The following TMEM59 variants were observed in gnomAD, a reference collection of about 807,000 sequenced individuals.
TMEM59 encodes the protein dendritic cell factor 1.
TMEM59 carries 44 observed loss-of-function variants against 42.2 expected under a neutral mutation model. The ratio of observed to expected loss-of-function variants is 1.04; its 90% CI spans 0.82 to 1.34. The LOEUF (loss-of-function observed/expected upper bound fraction) is 1.34, where lower values mean the gene tolerates loss of function less well. Among genes scored for constraint, TMEM59 ranks in the 40% most tolerant of loss-of-function variants. The pLI is 0.00. For synonymous variants in TMEM59, 148 were observed against 145.8 expected (o/e 1.02, Z -0.11); for missense variants, 359 against 382.8 (o/e 0.94, Z 0.52).
At chr1:54,036,585 T>C (rs1363981034) in intron 7 of TMEM59, 25 bp downstream of exon 7, 3 of 1,463,360 alleles carry the variant, frequency 2.1e-6, no homozygotes, top group Non-Finnish European at 2.7e-6. Flanking sequence ...GGGCTCAGTC[T>C]TCAAATGGTA....
At chr1:54,047,039 G>A (rs1657362356) in intron 2 of TMEM59, among the ~76,000 whole-genome samples, 1 of 152,148 alleles carries the variant, frequency 6.6e-6, no homozygotes, top group African/African-American at 2.4e-5. Flanking sequence ...AAACAAAGGT[G>A]TCCTATTCAT....
chr1:54,045,826 G>A lies in TMEM59; in HGVS notation c.296-40C>T, dbSNP rs137869393. On this transcript the variant is annotated intron_variant, in intron 2 of 7. Transcript: ENST00000234831. ...TAGTCAAATTACAAGAAACAAAAGA[G>A]AAAGGGAAAGAGGAAAGAAAAGGAT... The A allele has an allele frequency of 2.4e-4, 371 of 1,527,806 alleles. 2 individuals carry two copies. The East Asian group carries it at 7.6e-3, about 31-fold the overall frequency. The allele number at this position is 1,527,806 out of a possible 1,614,324, so 94.6% of individuals were successfully genotyped here. A position where few individuals can be genotyped will look rare whatever the true frequency, so the allele number is the denominator to read the frequency against.
At chr1:54,036,312 C>G (rs1436919933) in intron 7 of TMEM59, among the ~76,000 whole-genome samples, 1 of 151,832 alleles carries the variant, frequency 6.6e-6, no homozygotes, top group Non-Finnish European at 1.5e-5. Flanking sequence ...TCCCATATAT[C>G]CCCTAGAAAC....
upstream of TMEM59, chr1:54,053,321 C>T: frequency 9.0e-7 from 1 of 1,114,560 alleles, no homozygotes; most frequent in Non-Finnish European, 1.3e-6. Context: ...TCAGCTCCGC[C>T]CTCACCCGCC....
At chr1:54,052,611 G>C (rs1657587348) in intron 1 of TMEM59, among the ~76,000 whole-genome samples, 1 of 152,110 alleles carries the variant, frequency 6.6e-6, no homozygotes, top group Non-Finnish European at 1.5e-5. Flanking sequence ...TCAATCATTT[G>C]TGGACTCGCG....
chr1:54,037,486 T>C (rs1363144647), intron 6 of TMEM59, among the ~76,000 whole-genome samples: 1 of 152,272 alleles, frequency 6.6e-6, no homozygotes, highest in African/African-American at 2.4e-5. Flanking sequence ...TGGAGTTTTT[T>C]TCATAATTGA....
At chr1:54,040,026 C>T (rs544061428) in intron 6 of TMEM59, among the ~76,000 whole-genome samples, 136 of 152,266 alleles carry the variant, frequency 8.9e-4, no homozygotes, top group Admixed American at 2.3e-3. Context: ...GCTGATATTC[C>T]TTAGTATAGA....
intron 1 of TMEM59, among the ~76,000 whole-genome samples, chr1:54,052,033 A>G (rs910454506): frequency 6.6e-6 from 1 of 152,182 alleles, no homozygotes; most frequent in Non-Finnish European, 1.5e-5. Context: ...GTCCAGCCAC[A>G]ATGGTTAAGC....
intron 1 of TMEM59, 125 bp from the exon 2 acceptor site, chr1:54,047,497 G>C (rs1657382858): frequency 1.4e-6 from 1 of 739,550 alleles, no homozygotes. Context: ...TTTCATAACT[G>C]AAAGAAAAAA....
chr1:54,028,969 C>T lies in TMEM59; in HGVS notation c.*3181G>A, dbSNP rs1202858846. 6.6e-6 allele frequency: 1 copy of T among 152,140 alleles called. No homozygotes were observed. Among genetic ancestry groups the T allele is most frequent in the Non-Finnish European group, 1.5e-5 (1 of 68,022 alleles). 9.4% of individuals were successfully genotyped at this position (152,140 alleles called of 1,614,324 possible). A position where few individuals can be genotyped will look rare whatever the true frequency, so the allele number is the denominator to read the frequency against. On this transcript the variant is annotated 3_prime_UTR_variant, in exon 8 of 8. Transcript: ENST00000234831. The stretch of plus-strand genomic sequence containing the variant: ...GGTGACAGTAACTGGAAATCTCTGT[C>T]AATGATTCCCTACATGTGGACTTGA...
chr1:54,045,640 C>A, intron 3 of TMEM59, 52 bp downstream of exon 3: 1 of 1,542,770 alleles, frequency 6.5e-7, no homozygotes, highest in Non-Finnish European at 9.0e-7. Flanking sequence ...TCAAGCAATA[C>A]AAGTCAGTGC....
At chr1:54,034,262 G>A (rs1325304247) in intron 7 of TMEM59, 4 of 152,474 alleles carry the variant, frequency 2.6e-5, no homozygotes, top group African/African-American at 9.7e-5. Context: ...GGGTAGGGGT[G>A]GTGCAGCTGC....
intron 7 of TMEM59, chr1:54,034,553 C>CCTG (rs1656882232): frequency 6.6e-6 from 1 of 152,276 alleles, no homozygotes; most frequent in African/African-American, 2.4e-5. Context: ...GCAGGCGAAT[C>CCTG]ACTTGAGGTC....
At chr1:54,035,715 T>G (rs186381658) in intron 7 of TMEM59, among the ~76,000 whole-genome samples, 16 of 152,146 alleles carry the variant, frequency 1.1e-4, no homozygotes, top group African/African-American at 3.9e-4. Context: ...TGGGCTCAAG[T>G]GATCCTCCCA....
chr1:54,036,293 A>C (rs1656948300), intron 7 of TMEM59, among the ~76,000 whole-genome samples: 1 of 152,022 alleles, frequency 6.6e-6, no homozygotes, highest in Non-Finnish European at 1.5e-5. Context: ...AAAAAAAAAA[A>C]GTCTTCTTTC....
chr1:54,027,135 A>C lies in TMEM59; in HGVS notation c.*5015T>G, dbSNP rs533284280. On this transcript the variant is annotated 3_prime_UTR_variant, in exon 8 of 8. Transcript: ENST00000234831. ...AGGAAACAGTCCACAGTAGGATCAG[A>C]GTACCTGTGACTTTGTCACCAATAG... is the stretch of plus-strand genomic sequence containing the variant. 6.6e-6 allele frequency: 1 copy of C among 152,344 alleles called. No individual in the cohort carries two copies. Among genetic ancestry groups the C allele is most frequent in the African/African-American group, 2.4e-5 (1 of 41,578 alleles). 9.4% of individuals were successfully genotyped at this position (152,344 alleles called of 1,614,324 possible).
chr1:54,038,262 T>A (rs1026547892), intron 6 of TMEM59, among the ~76,000 whole-genome samples: 24 of 152,074 alleles, frequency 1.6e-4, no homozygotes, highest in Non-Finnish European at 2.5e-4. Flanking sequence ...GAAAAAAAAA[T>A]TTTAAGTAAA....
At chr1:54,051,891 G>A (rs968832475) in intron 1 of TMEM59, among the ~76,000 whole-genome samples, 2 of 152,002 alleles carry the variant, frequency 1.3e-5, no homozygotes, top group Non-Finnish European at 2.9e-5. Context: ...AAATCCAGCC[G>A]TAACAAAATC....
Position 54,048,663 on chromosome 1 carries a change from G to C in TMEM59, c.190-1291C>G, listed in dbSNP as rs571108268. The C allele has an allele frequency of 2.0e-3, 909 of 454,232 alleles. 4 individuals are homozygous for C. The highest frequency in any genetic ancestry group is 9.2e-4 in the Non-Finnish European group (202 of 219,184). 28.1% of individuals were successfully genotyped at this position (454,232 alleles called of 1,614,324 possible). On this transcript the variant is annotated intron_variant, in intron 1 of 7. Transcript: ENST00000234831. Reference sequence around the variant, plus strand: ...CCCTCGACTTACTATGTGATCCACTGTGTACAAACTGGCAGACACCTAATA... The same window carrying C: ...CCCTCGACTTACTATGTGATCCACTCTGTACAAACTGGCAGACACCTAATA...
Sources: gnomAD v4.1 joint callset for allele counts (sites outside exome capture counted in the v4.1 genomes callset) on GRCh38, gnomAD v4.1.1 for gene constraint, MANE v1.5 for transcripts, NCBI Gene and HGNC (gene_info 2026-07-23, HGNC 2026-07-21) for gene names.